TANC1: variants seen among roughly 807,000 people sequenced by gnomAD.
TANC1 encodes protein TANC1.
In TANC1, 77 loss-of-function variants were observed where a neutral mutation model predicts 149.7. That is an observed-to-expected ratio of 0.51 (90% CI 0.43 to 0.62). The LOEUF is 0.62. Among genes scored for constraint, TANC1 ranks in the 20% least tolerant of loss-of-function variants. The probability of loss-of-function intolerance (pLI) is 0.00; values close to 1 mark genes in which losing one functional copy is unlikely to be tolerated. For synonymous variants in TANC1, 854 were observed against 925.0 expected (o/e 0.92, Z 1.39); for missense variants, 1,985 against 2,321.8 (o/e 0.85, Z 2.98).
intron 16 of TANC1, among the ~76,000 whole-genome samples, chr2:159,192,023 G>GA (rs574908038): frequency 5.2e-4 from 78 of 149,252 alleles, no homozygotes; most frequent in Admixed American, 1.1e-3. Flanking sequence ...CTGAAGATCT[G>GA]AAAAAAAAAA....
At chr2:158,986,187 G>A (rs550382773) in intron 1 of TANC1, among the ~76,000 whole-genome samples, 13 of 152,232 alleles carry the variant, frequency 8.5e-5, no homozygotes, top group African/African-American at 2.9e-4. Flanking sequence ...TTAACAAGAC[G>A]GAATGAGAAC....
At chr2:159,089,090 G>A (rs2045261098) in intron 3 of TANC1, among the ~76,000 whole-genome samples, 1 of 152,208 alleles carries the variant, frequency 6.6e-6, no homozygotes, top group African/African-American at 2.4e-5. Flanking sequence ...GAGATACAGA[G>A]GCCGACTCCA....
chr2:158,981,000 A>G (rs2034245267), intron 1 of TANC1, among the ~76,000 whole-genome samples: 1 of 151,920 alleles, frequency 6.6e-6, no homozygotes, highest in Non-Finnish European at 1.5e-5. Context: ...GGCGGTGTTT[A>G]CCTTGTCCCA....
chr2:159,221,453 T>C (rs2059703043), intron 22 of TANC1, among the ~76,000 whole-genome samples: 1 of 152,148 alleles, frequency 6.6e-6, no homozygotes, highest in African/African-American at 2.4e-5. Context: ...TTACTCCTCC[T>C]GTCTAACTGA....
intron 5 of TANC1, among the ~76,000 whole-genome samples, chr2:159,146,441 C>T (rs1184228767): frequency 6.6e-6 from 1 of 152,060 alleles, no homozygotes; most frequent in African/African-American, 2.4e-5. Flanking sequence ...TCCATTCATC[C>T]CAACCCCGGG....
intron 3 of TANC1, among the ~76,000 whole-genome samples, chr2:159,084,101 T>A (rs756810769): frequency 7.9e-5 from 12 of 152,006 alleles, no homozygotes; most frequent in African/African-American, 2.7e-4. Context: ...AATACAAAAA[T>A]TAGCCGGGGG....
At chr2:159,088,440 T>TA (rs1165746339) in intron 3 of TANC1, among the ~76,000 whole-genome samples, 1 of 152,214 alleles carries the variant, frequency 6.6e-6, no homozygotes, top group Non-Finnish European at 1.5e-5. Context: ...TATCATGGAC[T>TA]AAGTTTTCTA....
At chr2:159,122,821 AT>A (rs1014278307) in intron 4 of TANC1, among the ~76,000 whole-genome samples, 6 of 143,308 alleles carry the variant, frequency 4.2e-5, no homozygotes, top group Non-Finnish European at 6.1e-5. Context: ...ACCATTTTGC[AT>A]TTTCACCAAC....
intron 3 of TANC1, among the ~76,000 whole-genome samples, chr2:159,076,235 C>A (rs1412711676): frequency 2.6e-5 from 4 of 152,076 alleles, no homozygotes; most frequent in African/African-American, 4.8e-5. Context: ...TATGACTTAT[C>A]CAGAAAGCTT....
In TANC1 at chr2:159,167,158, AG is replaced by A. The variant is rs140081214; in HGVS notation, c.947-2091del. ...ATAGGCAACACTTTTGAGGCTCTAA[AG>A]CATCTTTTTATTCTCTAGGGCTGCA... On this transcript the variant is annotated intron_variant, in intron 8 of 26. Coordinates refer to ENST00000263635, the MANE Select transcript of TANC1 (RefSeq NM_033394.3). Among the ~76,000 whole-genome samples, 275 of 152,350 alleles carry A rather than the reference AG, an allele frequency of 1.8e-3. 3 individuals carry two copies. In the East Asian group the frequency reaches 0.043, roughly 24 times the overall value.
intron 2 of TANC1, among the ~76,000 whole-genome samples, chr2:159,029,692 T>C (rs1481104796): frequency 6.6e-6 from 1 of 152,018 alleles, no homozygotes; most frequent in Non-Finnish European, 1.5e-5. Flanking sequence ...GTCTCCTGAG[T>C]AGCTAAGACT....
intron 4 of TANC1, among the ~76,000 whole-genome samples, chr2:159,111,078 C>G (rs966076609): frequency 1.3e-5 from 2 of 152,210 alleles, no homozygotes; most frequent in African/African-American, 4.8e-5. Flanking sequence ...GAAGCCAGCT[C>G]TTAGAACTGG....
chr2:159,039,774 T>C (rs1574280576), intron 2 of TANC1, among the ~76,000 whole-genome samples: 1 of 152,346 alleles, frequency 6.6e-6, no homozygotes, highest in East Asian at 1.9e-4. Flanking sequence ...TTTCCGGCTA[T>C]GTGGTCAATT....
intron 3 of TANC1, among the ~76,000 whole-genome samples, chr2:159,069,695 G>C (rs898399333): frequency 6.7e-6 from 1 of 148,482 alleles, no homozygotes; most frequent in African/African-American, 2.5e-5. Flanking sequence ...TTTGGAAAAT[G>C]AATAGGAAAA....
chr2:159,165,013 T>C (rs1350459550), intron 8 of TANC1, among the ~76,000 whole-genome samples: 1 of 152,212 alleles, frequency 6.6e-6, no homozygotes, highest in Non-Finnish European at 1.5e-5. Flanking sequence ...TAGACCGTAT[T>C]TACCTAGTTA....
chr2:159,038,326 C>T (rs529770265), intron 2 of TANC1, among the ~76,000 whole-genome samples: 1 of 152,164 alleles, frequency 6.6e-6, no homozygotes, highest in Non-Finnish European at 1.5e-5. Context: ...TCCTCTTTTC[C>T]TAATCAAATA....
intron 18 of TANC1, 98 bp downstream of exon 18, chr2:159,196,891 A>ATG: frequency 8.1e-7 from 1 of 1,228,866 alleles, no homozygotes; most frequent in Non-Finnish European, 1.1e-6. Context: ...GATGCCAAGA[A>ATG]CTAGCATTTG....
At chr2:158,998,976 A>G (rs1001630735) in intron 1 of TANC1, among the ~76,000 whole-genome samples, 2 of 151,964 alleles carry the variant, frequency 1.3e-5, no homozygotes, top group Admixed American at 6.6e-5. Flanking sequence ...GACAGAAATC[A>G]CTCCCTGAAG....
chr2:159,205,899 G>A (rs946682129), intron 19 of TANC1, among the ~76,000 whole-genome samples: 2 of 152,224 alleles, frequency 1.3e-5, no homozygotes, highest in Admixed American at 1.3e-4. Flanking sequence ...GCACATGGAG[G>A]ATGCTGTAGA....
Sources: allele counts gnomAD v4.1 joint callset (sites outside exome capture counted in the v4.1 genomes callset), GRCh38; gene constraint gnomAD v4.1.1; transcripts MANE v1.5; gene names NCBI Gene and HGNC (gene_info 2026-07-23, HGNC 2026-07-21).